Variants in NBEA observed in about 807,000 individuals in gnomAD.
The protein encoded by NBEA is lysosomal-trafficking regulator 2.
NBEA carries 44 observed loss-of-function variants against 343.4 expected under a neutral mutation model. The ratio of observed to expected loss-of-function variants is 0.13; its 90% CI spans 0.10 to 0.16. NBEA has a LOEUF of 0.16. Among genes scored for constraint, NBEA ranks in the 10% least tolerant of loss-of-function variants. The pLI is 1.00. For synonymous variants in NBEA, 1,175 were observed against 1,238.7 expected (o/e 0.95, Z 1.08); for missense variants, 2,555 against 3,631.3 (o/e 0.70, Z 7.62).
intron 1 of NBEA, among the ~76,000 whole-genome samples, chr13:34,971,064 G>A (rs1203183992): frequency 1.3e-5 from 2 of 152,004 alleles, no homozygotes; most frequent in African/African-American, 4.8e-5. Context: ...GCAGTGGTTT[G>A]TAGTTGTCAC....
chr13:35,563,132 G>GAGCT (rs2079946284), intron 44 of NBEA, among the ~76,000 whole-genome samples: 3 of 123,474 alleles, frequency 2.4e-5, no homozygotes, highest in African/African-American at 7.8e-5. Flanking sequence ...TGTGTGTGTG[G>GAGCT]AGATAGATAG....
intron 41 of NBEA, among the ~76,000 whole-genome samples, chr13:35,514,613 A>G (rs1453281541): frequency 6.6e-6 from 1 of 152,162 alleles, no homozygotes; most frequent in Non-Finnish European, 1.5e-5. Context: ...AAAATAATTT[A>G]GTACTTTGGT....
chr13:35,114,439 A>C (rs972919896), intron 13 of NBEA, among the ~76,000 whole-genome samples: 1 of 152,166 alleles, frequency 6.6e-6, no homozygotes. Flanking sequence ...TCTCAGCTTT[A>C]ACATTGCTAG....
At chr13:35,138,110 G>T (rs1409782808) in intron 17 of NBEA, among the ~76,000 whole-genome samples, 1 of 152,054 alleles carries the variant, frequency 6.6e-6, no homozygotes, top group Non-Finnish European at 1.5e-5. Context: ...AGTATAAATG[G>T]TTAGAAAGTT....
chr13:35,198,423 G>A lies in NBEA; in HGVS notation c.5366+2121G>A, dbSNP rs1284861578. On this transcript the variant is annotated intron_variant, in intron 31 of 58. Coordinates refer to ENST00000379939, the MANE Select transcript of NBEA (RefSeq NM_001385012.1). ...GAAAATCCAATGAAATAAACATTAAGTAAAATTTTTTGTTTTAATTTGGAT... is the reference window on the plus strand; with the variant it reads ...GAAAATCCAATGAAATAAACATTAAATAAAATTTTTTGTTTTAATTTGGAT... Among the ~76,000 whole-genome samples the A allele has an allele frequency of 3.9e-5, 6 of 151,982 alleles. No individual in the cohort carries two copies. The South Asian group carries it at 6.2e-4, about 16-fold the overall frequency.
Position 35,159,643 on chromosome 13 carries a change from C to G in NBEA, c.3472C>G (p.Leu1158Val), listed in dbSNP as rs1188194547. Residue 1158 changes from leucine (L) to valine (V), a missense_variant, in exon 22 of 59, where the codon CTA (leucine) becomes GTA (valine). Transcript: ENST00000379939. ...TAAAATACCCAAACAGGAGGAAAAA[C>G]TACTTCCTGAACTTTCTAGCAATCA... ...FDKIPKQEEK[L>V]LPELSSNHII... is the part of the protein sequence containing the mutation. 6.2e-7 allele frequency: 1 copy of G among 1,611,136 alleles called. No homozygotes were observed. Among genetic ancestry groups the G allele is most frequent in the Non-Finnish European group, 8.5e-7 (1 of 1,178,692 alleles).
chr13:35,265,069 A>C (rs1301012747), intron 34 of NBEA, among the ~76,000 whole-genome samples: 1 of 151,954 alleles, frequency 6.6e-6, no homozygotes, highest in East Asian at 1.9e-4. Context: ...ACAAAAAATC[A>C]ATAGTGTTTC....
intron 41 of NBEA, among the ~76,000 whole-genome samples, chr13:35,506,770 C>T (rs189099947): frequency 3.3e-5 from 5 of 152,236 alleles, no homozygotes; most frequent in Middle Eastern, 3.4e-3. Context: ...ACCTAGGGCT[C>T]GTTTGATTCC....
intron 25 of NBEA, chr13:35,170,959 A>C: frequency 3.0e-6 from 1 of 333,780 alleles, no homozygotes. Context: ...GTATAAGTAC[A>C]TATATGTGGT....
intron 13 of NBEA, among the ~76,000 whole-genome samples, chr13:35,115,470 C>T (rs2066447515): frequency 1.3e-5 from 2 of 152,020 alleles, no homozygotes; most frequent in Admixed American, 1.3e-4. Context: ...ATAACTCCGT[C>T]CCAAATTTTA....
chr13:35,177,196 A>G lies in NBEA; in HGVS notation c.4662+93A>G. On this transcript the variant is annotated intron_variant, in intron 28 of 58. Coordinates refer to ENST00000379939, the MANE Select transcript of NBEA (RefSeq NM_001385012.1). Reference sequence around the variant, plus strand: ...TAAGAAAGCTGCTTATGAAAACGACATTCCCTAGTATCTGGGATTGTTGGT... The same window carrying G: ...TAAGAAAGCTGCTTATGAAAACGACGTTCCCTAGTATCTGGGATTGTTGGT... 1.4e-5 allele frequency: 13 copies of G among 902,126 alleles called. No individual in the cohort carries two copies. In the South Asian group the frequency reaches 2.1e-4, roughly 14 times the overall value. The allele number at this position is 902,126 out of a possible 1,614,324, so 55.9% of individuals were successfully genotyped here. A position where few individuals can be genotyped will look rare whatever the true frequency, so the allele number is the denominator to read the frequency against.
At chr13:35,130,676 A>T (rs952389650) in intron 17 of NBEA, among the ~76,000 whole-genome samples, 101 of 151,980 alleles carry the variant, frequency 6.6e-4, no homozygotes, top group Admixed American at 3.3e-4. Context: ...ATAATTTGAA[A>T]AAAAAAATCC....
chr13:35,581,900 G>GA (rs2081062618), intron 45 of NBEA, among the ~76,000 whole-genome samples: 1 of 92,776 alleles, frequency 1.1e-5, no homozygotes, highest in African/African-American at 3.4e-5. Context: ...AAAAAAAAAA[G>GA]AAAAGAAAAA....
intron 38 of NBEA, among the ~76,000 whole-genome samples, chr13:35,384,605 A>G (rs1203282665): frequency 6.8e-6 from 1 of 146,028 alleles, no homozygotes; most frequent in East Asian, 2.0e-4. Context: ...GGCTCACTGC[A>G]ACCTCCGCCT....
intron 34 of NBEA, among the ~76,000 whole-genome samples, chr13:35,244,956 A>G (rs769325722): frequency 2.0e-5 from 3 of 151,966 alleles, no homozygotes; most frequent in Non-Finnish European, 2.9e-5. Flanking sequence ...AACTTTATAT[A>G]CTGAAACTTT....
At chr13:35,361,483 TC>T (rs1172952083) in intron 38 of NBEA, among the ~76,000 whole-genome samples, 1 of 152,046 alleles carries the variant, frequency 6.6e-6, no homozygotes, top group Non-Finnish European at 1.5e-5. Context: ...CAATTGAACA[TC>T]CATGTGCAAA....
chr13:35,043,383 T>C (rs1038838998), intron 2 of NBEA, among the ~76,000 whole-genome samples: 3 of 151,936 alleles, frequency 2.0e-5, no homozygotes, highest in African/African-American at 7.2e-5. Flanking sequence ...TTAAAGTTTT[T>C]TTAAAAGTAT....
intron 40 of NBEA, among the ~76,000 whole-genome samples, chr13:35,463,991 G>T (rs1479061081): frequency 2.0e-5 from 3 of 152,002 alleles, no homozygotes; most frequent in African/African-American, 4.8e-5. Flanking sequence ...GACAGTTAGG[G>T]ATAAATGCAG....
At chr13:35,552,770 G>C (rs2153014833) in intron 43 of NBEA, among the ~76,000 whole-genome samples, 1 of 152,176 alleles carries the variant, frequency 6.6e-6, no homozygotes, top group East Asian at 1.9e-4. Context: ...AGTATTCTTT[G>C]ACTTGTCTGG....
Sources: allele counts gnomAD v4.1 joint callset (sites outside exome capture counted in the v4.1 genomes callset), GRCh38; gene constraint gnomAD v4.1.1; transcripts MANE v1.5; gene names NCBI Gene and HGNC (gene_info 2026-07-23, HGNC 2026-07-21).